The following SIAH2 variants were observed in gnomAD, a reference collection of about 807,000 sequenced individuals.
SIAH2 encodes the protein siah E3 ubiquitin protein ligase 2, also known as E3 ubiquitin-protein ligase SIAH2.
A neutral mutation model predicts 20.4 loss-of-function variants in SIAH2; 4 were observed. The ratio of observed to expected loss-of-function variants is 0.20; its 90% CI spans 0.10 to 0.45. The LOEUF (loss-of-function observed/expected upper bound fraction) is 0.45. SIAH2 is among the 20% of genes least tolerant of loss of function. SIAH2 has a pLI of 0.99. For missense variants in SIAH2, 259 were observed against 440.3 expected (o/e 0.59, Z 3.69); for synonymous variants, 171 against 192.5 (o/e 0.89, Z 0.93).
At chr3:150,753,295 AT>A (rs1047994930) in intron 1 of SIAH2, among the ~76,000 whole-genome samples, 1 of 152,150 alleles carries the variant, frequency 6.6e-6, no homozygotes, top group African/African-American at 2.4e-5. Context: ...ACTGCAGGAG[AT>A]TCCAAGGCAA....
intron 1 of SIAH2, among the ~76,000 whole-genome samples, chr3:150,761,297 C>T (rs1023054027): frequency 6.6e-6 from 1 of 152,218 alleles, no homozygotes; most frequent in Non-Finnish European, 1.5e-5. Flanking sequence ...TAGGTTATAA[C>T]GTAGACAAGT....
chr3:150,747,195 T>C (rs1392552050), intron 1 of SIAH2, among the ~76,000 whole-genome samples: 1 of 152,174 alleles, frequency 6.6e-6, no homozygotes, highest in African/African-American at 2.4e-5. Context: ...TGGAAGCAGG[T>C]TCTAATATTA....
chr3:150,745,596 T>C (rs955650452), intron 1 of SIAH2, among the ~76,000 whole-genome samples: 2 of 151,902 alleles, frequency 1.3e-5, no homozygotes, highest in African/African-American at 2.4e-5. Context: ...CCCGGGTTCA[T>C]GCCATTCTCC....
chr3:150,742,576 G>A lies in SIAH2; in HGVS notation c.540C>T (p.Ser180=). 1 of 1,613,808 alleles carries A rather than the reference G, an allele frequency of 6.2e-7. No individual in the cohort carries two copies. Among genetic ancestry groups the A allele is most frequent in the Non-Finnish European group, 8.5e-7 (1 of 1,179,844 alleles). Residue 180 remains serine, a synonymous_variant, in exon 2 of 2, where the codon TCC becomes TCT. Transcript: ENST00000312960. The surrounding 1 kb of genome is among the most constrained non-coding windows in gnomAD (Gnocchi z 4.8). ...TGAGATGGGACATCACAGCTTCCAG[G>A]GACCCCTGCCACTTGCAGGAAGCAC... ...CPGASCKWQG[S]LEAVMSHLMH...
rs577530249 is a variant in SIAH2 at position 150,749,842 on chromosome 3, C to T, written c.418-7144G>A. On this transcript the variant is annotated intron_variant, in intron 1 of 1. Transcript: ENST00000312960. Reference sequence around the variant, plus strand: ...GTCCTCTGATCCTTCTAAAGGTTTGCGGGTGCCTGACAAGTCTGTGGCCTT... The same window carrying T: ...GTCCTCTGATCCTTCTAAAGGTTTGTGGGTGCCTGACAAGTCTGTGGCCTT... Among the ~76,000 whole-genome samples the T allele has an allele frequency of 9.9e-5, 15 of 152,226 alleles. 1 individual carries two copies. In the South Asian group the frequency reaches 1.2e-3, roughly 13 times the overall value.
intron 1 of SIAH2, among the ~76,000 whole-genome samples, chr3:150,746,131 C>T (rs1444620299): frequency 6.6e-6 from 1 of 152,144 alleles, no homozygotes; most frequent in Admixed American, 6.5e-5. Flanking sequence ...GCGCTGCTCA[C>T]ACCTGTAATC....
chr3:150,744,619 T>TA (rs2108116837), intron 1 of SIAH2, among the ~76,000 whole-genome samples: 1 of 152,178 alleles, frequency 6.6e-6, no homozygotes, highest in Admixed American at 6.6e-5. Context: ...CTGTCCAGTT[T>TA]AAAAAAACAC....
In SIAH2 at chr3:150,763,003, C is replaced by G; in HGVS notation, c.-154G>C. On this transcript the variant is annotated 5_prime_UTR_variant, in exon 1 of 2. Coordinates refer to ENST00000312960, the MANE Select transcript of SIAH2 (RefSeq NM_005067.7). This position sits in a 1 kb window ranked among gnomAD's most constrained non-coding sequence, Gnocchi z 4.1. ...GCGGAGACGCTCGGCGCCCGGCAGG[C>G]GGAGGGCTGGACCGCGCTGATGCAC... 1.1e-6 allele frequency: 1 copy of G among 888,086 alleles called. No homozygotes were observed. The highest frequency in any genetic ancestry group is 1.8e-5 in the African/African-American group (1 of 55,552). The allele number at this position is 888,086 out of a possible 1,614,324, so 55.0% of individuals were successfully genotyped here.
chr3:150,745,279 CCCA>C (rs1298620311), intron 1 of SIAH2, among the ~76,000 whole-genome samples: 3 of 136,500 alleles, frequency 2.2e-5, no homozygotes, highest in East Asian at 5.8e-4. Context: ...ACACACACAC[CCCA>C]CATTTCATAC....
intron 1 of SIAH2, among the ~76,000 whole-genome samples, chr3:150,760,189 A>G (rs987087010): frequency 6.6e-6 from 1 of 152,182 alleles, no homozygotes; most frequent in Admixed American, 6.5e-5. Context: ...TAACTGGCTG[A>G]GCTGCCCTGC....
In SIAH2 at chr3:150,762,663, CG is replaced by C; in HGVS notation, c.186del (p.Ala64ProfsTer11). On this transcript the variant is annotated frameshift_variant, in exon 1 of 2. Coordinates refer to ENST00000312960, the MANE Select transcript of SIAH2 (RefSeq NM_005067.7). LOFTEE classifies it high-confidence loss of function. This position sits in a 1 kb window ranked among gnomAD's most constrained non-coding sequence, Gnocchi z 6.6. ...TGCTGCGGGGACACCGGGCCGGCCC[CG>C]CCGCCGCCGCCGGGGCCCGAGATCA... is the stretch of plus-strand genomic sequence containing the variant. Reference protein sequence around the residue: ...AAVISGPGGGGGAGPVSPQHH... With the variant: ...AAVISGPGGGXGAGPVSPQHH... 3 of 1,373,708 alleles carry C rather than the reference CG, an allele frequency of 2.2e-6. No individual in the cohort carries two copies. Among genetic ancestry groups the C allele is most frequent in the South Asian group, 1.7e-5 (1 of 58,170 alleles). 85.1% of individuals were successfully genotyped at this position (1,373,708 alleles called of 1,614,324 possible). A position where few individuals can be genotyped will look rare whatever the true frequency, so the allele number is the denominator to read the frequency against.
At chr3:150,758,889 T>C (rs867849423) in intron 1 of SIAH2, among the ~76,000 whole-genome samples, 6 of 152,180 alleles carry the variant, frequency 3.9e-5, no homozygotes, top group African/African-American at 1.4e-4. Flanking sequence ...ATTACAGGCA[T>C]GTGCCACCAT....
At chr3:150,760,973 T>C (rs903750673) in intron 1 of SIAH2, among the ~76,000 whole-genome samples, 1 of 152,264 alleles carries the variant, frequency 6.6e-6, no homozygotes, top group Non-Finnish European at 1.5e-5. Flanking sequence ...TAAGGTTGCC[T>C]GAAACACCCT....
chr3:150,749,261 G>A (rs1185554990), intron 1 of SIAH2, among the ~76,000 whole-genome samples: 1 of 152,150 alleles, frequency 6.6e-6, no homozygotes, highest in African/African-American at 2.4e-5. Flanking sequence ...CACTCTGGGA[G>A]GCCGAGATGA....
chr3:150,745,457 G>C (rs1218767255), intron 1 of SIAH2, among the ~76,000 whole-genome samples: 1 of 151,926 alleles, frequency 6.6e-6, no homozygotes, highest in Non-Finnish European at 1.5e-5. Flanking sequence ...GAGCAGCAAA[G>C]CCAAGTCTCA....
chr3:150,760,843 C>G (rs1264411122), intron 1 of SIAH2, among the ~76,000 whole-genome samples: 1 of 152,236 alleles, frequency 6.6e-6, no homozygotes, highest in African/African-American at 2.4e-5. Context: ...TTTCCAACCA[C>G]TAGGTTGTCA....
At chr3:150,743,756 G>T (rs912469137) in intron 1 of SIAH2, among the ~76,000 whole-genome samples, 2 of 152,162 alleles carry the variant, frequency 1.3e-5, no homozygotes, top group Non-Finnish European at 2.9e-5. Context: ...GGATGACAGT[G>T]TTAATTCCTA....
chr3:150,758,252 G>A (rs1014481322), intron 1 of SIAH2, among the ~76,000 whole-genome samples: 9 of 152,232 alleles, frequency 5.9e-5, no homozygotes, highest in South Asian at 4.2e-4. Context: ...ATTATTTGGA[G>A]ATATGCTACT....
At chr3:150,750,415 T>A (rs937700301) in intron 1 of SIAH2, among the ~76,000 whole-genome samples, 2 of 152,200 alleles carry the variant, frequency 1.3e-5, no homozygotes, top group Non-Finnish European at 1.5e-5. Context: ...TTTACTTTAA[T>A]TAGAAGTTTT....
Sources: allele counts gnomAD v4.1 joint callset (sites outside exome capture counted in the v4.1 genomes callset), GRCh38; gene constraint gnomAD v4.1.1; non-coding constraint Gnocchi (gnomAD v3.1); transcripts MANE v1.5; gene names NCBI Gene and HGNC (gene_info 2026-07-23, HGNC 2026-07-21).